The following VPS13A variants were observed in gnomAD, a reference collection of about 807,000 sequenced individuals.
The protein encoded by VPS13A is intermembrane lipid transfer protein VPS13A.
Under a neutral mutation model 390.9 loss-of-function variants are expected in VPS13A, and 264 were observed. The observed-to-expected ratio is 0.68, with a 90% CI of 0.61 to 0.75. The LOEUF (loss-of-function observed/expected upper bound fraction) is 0.75. Ranked by LOEUF, VPS13A falls within the 30% of genes least tolerant of loss-of-function variation. The pLI is 0.00. For missense variants in VPS13A, 3,409 were observed against 3,733.9 expected (o/e 0.91, Z 2.27); for synonymous variants, 1,231 against 1,227.1 (o/e 1.00, Z -0.07).
intron 54 of VPS13A, 21 bp downstream of exon 54, chr9:77,353,662 G>A (rs978296413): frequency 1.3e-6 from 2 of 1,576,626 alleles, no homozygotes; most frequent in African/African-American, 2.7e-5. Flanking sequence ...TTAAATTTTG[G>A]ATACATTTAA....
chr9:77,408,493 C>T (rs145321795), intron 71 of VPS13A, among the ~76,000 whole-genome samples: 11,321 of 152,290 alleles, frequency 0.074, 536 homozygotes, highest in Middle Eastern at 0.095. Flanking sequence ...TAGGGCGAGG[C>T]ATCACCTCAC....
intron 31 of VPS13A, among the ~76,000 whole-genome samples, chr9:77,290,390 A>T (rs78182681): frequency 6.6e-6 from 1 of 151,906 alleles, no homozygotes; most frequent in African/African-American, 2.4e-5. Context: ...TTGTGTTTTG[A>T]TATTTGTCCT....
At chr9:77,266,972 A>G (rs1587455948) in intron 23 of VPS13A, among the ~76,000 whole-genome samples, 1 of 151,986 alleles carries the variant, frequency 6.6e-6, no homozygotes, top group African/African-American at 2.4e-5. Context: ...ATACTTGTAT[A>G]TGCTTCACGA....
Position 77,344,247 on chromosome 9 carries a change from A to G in VPS13A, c.7121A>G (p.Gln2374Arg). The stretch of plus-strand genomic sequence containing the variant: ...CCCAAAAGGATATATTTTAACAAGC[A>G]GGAAAATTGTATTCTATTGCGTCTA... The part of the protein sequence containing the change: ...DPPKRIYFNK[Q>R]ENCILLRLDN... The change falls in exon 51 of 72, where the codon CAG becomes CGG. Residue 2374 changes from glutamine to arginine, a missense_variant. This residue lies in a region of VPS13A where 2,717 missense variants were observed against 2,917.4 expected (regional missense o/e 0.93). Transcript: ENST00000360280. The G allele has an allele frequency of 6.2e-7, 1 of 1,613,546 alleles. No homozygotes were observed. The highest frequency in any genetic ancestry group is 8.5e-7 in the Non-Finnish European group (1 of 1,179,706).
At chr9:77,382,839 T>C (rs1833512046) in intron 68 of VPS13A, 2 of 985,410 alleles carry the variant, frequency 2.0e-6, no homozygotes, top group Non-Finnish European at 2.4e-6. Flanking sequence ...AATAGACAGT[T>C]TGAAGTTAGA....
intron 17 of VPS13A, among the ~76,000 whole-genome samples, chr9:77,235,670 A>G (rs778062232): frequency 1.2e-4 from 19 of 152,272 alleles, no homozygotes; most frequent in Non-Finnish European, 2.5e-4. Flanking sequence ...AGAGTCCCGT[A>G]GTGCATATGT....
chr9:77,211,690 C>T (rs1372692731), intron 7 of VPS13A: 2 of 152,052 alleles, frequency 1.3e-5, no homozygotes, highest in African/African-American at 2.4e-5. Context: ...GAGAATTAGC[C>T]ATTGGATTGG....
In VPS13A at chr9:77,295,795, C is replaced by A. The variant is rs879114074; in HGVS notation, c.3761C>A (p.Pro1254Gln). Residue 1254 changes from proline (P) to glutamine (Q), a missense_variant, in exon 33 of 72, where the codon CCA becomes CAA. By Grantham distance (76) the Pro-to-Gln change is moderately conservative (BLOSUM62 -1). Transcript: ENST00000360280. ...HMITESQSSP[P>Q]PVIDLITIKL... ...ATAACAGAGAGCCAGAGCTCTCCCC[C>A]ACCTGTTATTGATTTGATAACAATA... 7 of 1,613,854 alleles carry A rather than the reference C, an allele frequency of 4.3e-6. No homozygotes were observed. The highest frequency in any genetic ancestry group is 1.6e-4 in the Middle Eastern group (1 of 6,078).
At position 77,295,756 on chromosome 9, in the gene VPS13A, A is replaced by G; in HGVS notation, c.3722A>G (p.Asn1241Ser). The change falls in exon 33 of 72, where the codon AAT becomes AGT. Residue 1241 changes from asparagine (N) to serine (S), a missense_variant. Asn to Ser is a conservative substitution (Grantham distance 46). Transcript: ENST00000360280. Reference sequence around the variant, plus strand: ...GATTTTGGACTAATTACAATGACAAATACCTTTCATATGATAACAGAGAGC... The same window carrying G: ...GATTTTGGACTAATTACAATGACAAGTACCTTTCATATGATAACAGAGAGC... ...VADFGLITMTNTFHMITESQS... is the reference protein window; with the variant it reads ...VADFGLITMTSTFHMITESQS... 6.2e-7 allele frequency: 1 copy of G among 1,614,062 alleles called. No individual in the cohort carries two copies. The highest frequency in any genetic ancestry group is 8.5e-7 in the Non-Finnish European group (1 of 1,179,958).
intron 67 of VPS13A, among the ~76,000 whole-genome samples, chr9:77,377,421 T>A (rs1205762851): frequency 6.6e-6 from 1 of 151,806 alleles, no homozygotes; most frequent in Admixed American, 6.6e-5. Context: ...GGGTTTCACC[T>A]TGTTAGCCAG....
At position 77,358,140 on chromosome 9, in the gene VPS13A, G is replaced by C. The variant is rs541654051; in HGVS notation, c.7954-217G>C. On this transcript the variant is annotated intron_variant, in intron 56 of 71. Transcript: ENST00000360280. ...CCACCTAATTTTTGTATTTTTAGTA[G>C]AGACGGGGTTTCACCATGTGGGCCA... Among the ~76,000 whole-genome samples the C allele has an allele frequency of 4.6e-5, 7 of 151,680 alleles. No individual in the cohort carries two copies. In the East Asian group the frequency reaches 1.2e-3, roughly 25 times the overall value.
chr9:77,401,706 A>G (rs1385029132), intron 68 of VPS13A, among the ~76,000 whole-genome samples: 1 of 152,078 alleles, frequency 6.6e-6, no homozygotes, highest in African/African-American at 2.4e-5. Context: ...CTTTTCATCT[A>G]AGTTTTCAAA....
chr9:77,259,977 T>C (rs1825664090), intron 22 of VPS13A, 109 bp from the exon 23 acceptor site: 1 of 778,712 alleles, frequency 1.3e-6, no homozygotes, highest in Non-Finnish European at 2.0e-6. Flanking sequence ...AGATTTTTAG[T>C]GTTTAAAATC....
chr9:77,202,885 A>G (rs1825413646), intron 3 of VPS13A, among the ~76,000 whole-genome samples: 1 of 152,178 alleles, frequency 6.6e-6, no homozygotes, highest in African/African-American at 2.4e-5. Context: ...TCTTTTAAAA[A>G]TATCACTGTT....
chr9:77,351,469 G>A lies in VPS13A; in HGVS notation c.7419+23G>A, dbSNP rs369373389. 168 of 1,610,542 alleles carry A rather than the reference G, an allele frequency of 1.0e-4. 1 individual carries two copies. The East Asian group carries it at 2.9e-3, about 28-fold the overall frequency. ...GATGTAAGTATTGGGTTATTATGGTGTTCCCAGCAGCCTTTTTTAAAAAAG... is the reference window on the plus strand; with the variant it reads ...GATGTAAGTATTGGGTTATTATGGTATTCCCAGCAGCCTTTTTTAAAAAAG... On this transcript the variant is annotated intron_variant, in intron 53 of 71. Transcript: ENST00000360280.
rs564637477 is a variant in VPS13A at position 77,322,949 on chromosome 9, T to G, written c.5831-118T>G. ...CCTTTTATGGACTATATCCAAAGAC[T>G]CTAGTGACTATTATTTATAAGTTTA... On this transcript the variant is annotated intron_variant, in intron 44 of 71. Coordinates refer to ENST00000360280, the MANE Select transcript of VPS13A (RefSeq NM_033305.3). 3.7e-6 allele frequency: 3 copies of G among 800,402 alleles called. No homozygotes were observed. The African/African-American group carries it at 5.2e-5, about 14-fold the overall frequency. The allele number at this position is 800,402 out of a possible 1,614,324, so 49.6% of individuals were successfully genotyped here. A position where few individuals can be genotyped will look rare whatever the true frequency, so the allele number is the denominator to read the frequency against.
At chr9:77,317,399 C>T (rs1436566432) in intron 39 of VPS13A, among the ~76,000 whole-genome samples, 1 of 151,914 alleles carries the variant, frequency 6.6e-6, no homozygotes, top group African/African-American at 2.4e-5. Flanking sequence ...TCAGATAAAA[C>T]TTCTATTACT....
At chr9:77,181,120 TTAAA>T (rs1317406345) in intron 1 of VPS13A, among the ~76,000 whole-genome samples, 5 of 152,226 alleles carry the variant, frequency 3.3e-5, no homozygotes, top group Admixed American at 1.3e-4. Context: ...AAATGAAACT[TTAAA>T]TAATAGCTGG....
At chr9:77,300,831 C>A (rs1349756126) in intron 33 of VPS13A, among the ~76,000 whole-genome samples, 1 of 152,236 alleles carries the variant, frequency 6.6e-6, no homozygotes, top group Non-Finnish European at 1.5e-5. Context: ...GTTCTTTATA[C>A]ATTAATCCAA....
Sources: allele counts gnomAD v4.1 joint callset (sites outside exome capture counted in the v4.1 genomes callset), GRCh38; gene constraint gnomAD v4.1.1; regional missense constraint gnomAD v4.1.1; transcripts MANE v1.5; gene names NCBI Gene and HGNC (gene_info 2026-07-23, HGNC 2026-07-21).